Variants in BBS9 observed in about 807,000 individuals in gnomAD.
The protein encoded by BBS9 is protein PTHB1.
BBS9 carries 89 observed loss-of-function variants against 117.7 expected under a neutral mutation model. The observed-to-expected ratio is 0.76, with a 90% confidence interval of 0.64 to 0.90. BBS9 has a LOEUF of 0.90. Ranked by LOEUF, BBS9 falls within the 40% of genes least tolerant of loss-of-function variation. The pLI, the probability that BBS9 is intolerant of heterozygous loss-of-function variation, is 0.00. For missense variants in BBS9, 982 were observed against 1,042.2 expected, an observed-to-expected ratio of 0.94 and a Z score of 0.80; for synonymous variants, 379 against 370.9, an observed-to-expected ratio of 1.02 and a Z score of -0.25.
chr7:33,246,760 A>G (rs953167446), intron 5 of BBS9, among the ~76,000 whole-genome samples: 2 of 152,030 alleles, frequency 1.3e-5, no homozygotes, highest in South Asian at 2.1e-4. Flanking sequence ...GAAAATATCA[A>G]TATTGGGGTG....
chr7:33,319,936 A>G (rs1241004804), intron 9 of BBS9, among the ~76,000 whole-genome samples: 1 of 152,184 alleles, frequency 6.6e-6, no homozygotes, highest in Admixed American at 6.5e-5. Context: ...AGATATACAA[A>G]TGGCCACAAA....
At position 33,149,050 on chromosome 7, in the gene BBS9, G is replaced by A. The variant is rs1436184042; in HGVS notation, c.112+2686G>A. Among the ~76,000 whole-genome samples, 11 of 152,334 alleles carry A rather than the reference G, an allele frequency of 7.2e-5. No homozygotes were observed. The South Asian group carries it at 1.0e-3, about 14-fold the overall frequency. Reference sequence around the variant, plus strand: ...GAATGGGGAGTGAGTGGGAGGTGGGGAGACTATTTATGGCTCTTTAAAGAA... The same window carrying A: ...GAATGGGGAGTGAGTGGGAGGTGGGAAGACTATTTATGGCTCTTTAAAGAA... On this transcript the variant is annotated intron_variant, in intron 2 of 22. Transcript: ENST00000242067.
intron 19 of BBS9, among the ~76,000 whole-genome samples, chr7:33,424,055 T>G (rs775637627): frequency 9.2e-5 from 14 of 152,196 alleles, no homozygotes; most frequent in Non-Finnish European, 1.9e-4. Context: ...TGTCTCAAAC[T>G]TGACATTAAC....
chr7:33,320,008 C>A (rs1228139780), intron 9 of BBS9, among the ~76,000 whole-genome samples: 2 of 152,102 alleles, frequency 1.3e-5, no homozygotes, highest in Non-Finnish European at 2.9e-5. Context: ...TTATGGGGTA[C>A]AGGAGATGTT....
At chr7:33,137,249 G>A (rs957591645) in intron 1 of BBS9, among the ~76,000 whole-genome samples, 1 of 152,224 alleles carries the variant, frequency 6.6e-6, no homozygotes, top group African/African-American at 2.4e-5. Flanking sequence ...CGAAATTGGA[G>A]TGGGCACTGG....
At chr7:33,581,478 T>C in intron 21 of BBS9, among the ~76,000 whole-genome samples, 1 of 152,148 alleles carries the variant, frequency 6.6e-6, no homozygotes, top group Non-Finnish European at 1.5e-5. Flanking sequence ...CAAATAGACA[T>C]CAAATAAAGA....
In BBS9 at chr7:33,273,858, A is replaced by G. The variant is rs1303363818; in HGVS notation, c.918A>G (p.Gly306=). 2 of 1,610,472 alleles carry G rather than the reference A, an allele frequency of 1.2e-6. No individual in the cohort carries two copies. The highest frequency in any genetic ancestry group is 4.5e-5 in the East Asian group (2 of 44,754). The change falls in exon 9 of 23, where the codon GGA becomes GGG. Residue 306 remains glycine (G), a synonymous_variant. Coordinates refer to ENST00000242067, the MANE Select transcript of BBS9 (RefSeq NM_198428.3). ...AAGGAACAATAAATACTTTGATTGG[A>G]AATCATAATAACATGCTGCATATTT... The part of the protein sequence containing the change: ...VSEGTINTLI[G]NHNNMLHIYQ...
chr7:33,336,707 G>C, intron 10 of BBS9, 85 bp downstream of exon 10: 1 of 994,106 alleles, frequency 1.0e-6, no homozygotes, highest in Non-Finnish European at 1.5e-6. Flanking sequence ...TTGTGTATTT[G>C]TTAATTTTCT....
chr7:33,528,025 T>G (rs1342503851), intron 20 of BBS9, among the ~76,000 whole-genome samples: 1 of 152,214 alleles, frequency 6.6e-6, no homozygotes, highest in African/African-American at 2.4e-5. Flanking sequence ...TATAATCTAA[T>G]AAGTATTTAG....
intron 21 of BBS9, among the ~76,000 whole-genome samples, chr7:33,592,425 T>C (rs1862081179): frequency 6.6e-6 from 1 of 152,142 alleles, no homozygotes; most frequent in East Asian, 1.9e-4. Flanking sequence ...GAGTGTCCCT[T>C]TCTATGATCA....
intron 21 of BBS9, among the ~76,000 whole-genome samples, chr7:33,593,300 T>C (rs1001912997): frequency 6.6e-6 from 1 of 152,160 alleles, no homozygotes; most frequent in Admixed American, 6.6e-5. Flanking sequence ...TCACAATGGC[T>C]GGGCAATACT....
intron 5 of BBS9, among the ~76,000 whole-genome samples, chr7:33,223,204 T>C (rs1790596708): frequency 6.6e-6 from 1 of 152,142 alleles, no homozygotes; most frequent in Admixed American, 6.5e-5. Context: ...ATATATTTAT[T>C]GTGTATAACA....
At chr7:33,617,879 C>T (rs1463914759) in intron 21 of BBS9, among the ~76,000 whole-genome samples, 1 of 152,068 alleles carries the variant, frequency 6.6e-6, no homozygotes, top group East Asian at 1.9e-4. Context: ...TGTAGACAGC[C>T]TATAAGAATT....
intron 9 of BBS9, among the ~76,000 whole-genome samples, chr7:33,305,585 A>G (rs1022887649): frequency 6.6e-6 from 1 of 152,032 alleles, no homozygotes; most frequent in Admixed American, 6.5e-5. Context: ...TCATCTCGTT[A>G]CTCGATATTG....
At chr7:33,372,244 A>G (rs531385810) in intron 17 of BBS9, among the ~76,000 whole-genome samples, 3 of 152,292 alleles carry the variant, frequency 2.0e-5, no homozygotes, top group South Asian at 2.1e-4. Context: ...GAGAAGACCA[A>G]TGGGGACAAA....
At chr7:33,494,956 G>A (rs921774201) in intron 19 of BBS9, among the ~76,000 whole-genome samples, 5 of 152,026 alleles carry the variant, frequency 3.3e-5, no homozygotes, top group Admixed American at 2.0e-4. Context: ...ATTTCCATGT[G>A]GTCTGAGCCA....
At chr7:33,438,489 A>G (rs1269734431) in intron 19 of BBS9, among the ~76,000 whole-genome samples, 1 of 152,242 alleles carries the variant, frequency 6.6e-6, no homozygotes, top group African/African-American at 2.4e-5. Flanking sequence ...TAGGCAATGG[A>G]TATGTGTAGA....
chr7:33,581,294 C>A (rs138597534), intron 21 of BBS9, among the ~76,000 whole-genome samples: 167 of 152,082 alleles, frequency 1.1e-3, no homozygotes, highest in East Asian at 3.1e-3. Context: ...TTCTCACTGG[C>A]GAAATGGAAG....
chr7:33,131,682 T>C (rs918939048), intron 1 of BBS9, among the ~76,000 whole-genome samples: 9 of 152,224 alleles, frequency 5.9e-5, no homozygotes, highest in Non-Finnish European at 1.2e-4. Context: ...GTTATTGTTT[T>C]CACAGCTGAT....
Sources: gnomAD v4.1 joint callset for allele counts (sites outside exome capture counted in the v4.1 genomes callset) on GRCh38, gnomAD v4.1.1 for gene constraint, MANE v1.5 for transcripts, NCBI Gene and HGNC (gene_info 2026-07-23, HGNC 2026-07-21) for gene names.